Variants in WASF2 observed in about 807,000 individuals in gnomAD.
The protein encoded by WASF2 is actin-binding protein WASF2.
Under a neutral mutation model 45.0 loss-of-function variants are expected in WASF2, and 14 were observed. The observed-to-expected ratio is 0.31, with a 90% CI of 0.21 to 0.49. The LOEUF (loss-of-function observed/expected upper bound fraction) is 0.49. Among genes scored for constraint, WASF2 ranks in the 20% least tolerant of loss-of-function variants. The pLI is 0.99. For missense variants in WASF2, 439 were observed against 636.1 expected (o/e 0.69, Z 3.33); for synonymous variants, 200 against 236.3 (o/e 0.85, Z 1.41).
chr1:27,442,449 C>G (rs539685529), intron 1 of WASF2, among the ~76,000 whole-genome samples: 19 of 150,872 alleles, frequency 1.3e-4, no homozygotes, highest in Non-Finnish European at 2.5e-4. Context: ...GAGGCTGAGG[C>G]AGAAGAATCG....
chr1:27,457,567 T>G (rs1464321791), intron 1 of WASF2, among the ~76,000 whole-genome samples: 1 of 151,220 alleles, frequency 6.6e-6, no homozygotes, highest in Non-Finnish European at 1.5e-5. Context: ...AAGAATGGAA[T>G]AATGGCAGAG....
At chr1:27,411,553 A>G (rs1369834128) in intron 7 of WASF2, among the ~76,000 whole-genome samples, 1 of 152,192 alleles carries the variant, frequency 6.6e-6, no homozygotes, top group Non-Finnish European at 1.5e-5. Flanking sequence ...GTACCACTTC[A>G]TTTCATGATG....
intron 1 of WASF2, among the ~76,000 whole-genome samples, chr1:27,433,013 T>G (rs1305651085): frequency 6.6e-6 from 1 of 152,214 alleles, no homozygotes; most frequent in Non-Finnish European, 1.5e-5. Context: ...TCTTCCCACC[T>G]TGGCCTCCCA....
At chr1:27,446,532 G>C (rs1038229838) in intron 1 of WASF2, among the ~76,000 whole-genome samples, 5 of 152,254 alleles carry the variant, frequency 3.3e-5, no homozygotes, top group African/African-American at 1.2e-4. Context: ...ATCCCAACCA[G>C]CACTTTGGGA....
intron 7 of WASF2, among the ~76,000 whole-genome samples, chr1:27,411,371 T>C (rs918926069): frequency 6.6e-6 from 1 of 152,206 alleles, no homozygotes; most frequent in Admixed American, 6.5e-5. Flanking sequence ...CATGCACAAA[T>C]ATCAAAATGG....
At chr1:27,483,154 G>A (rs991556001) in intron 1 of WASF2, among the ~76,000 whole-genome samples, 2 of 152,124 alleles carry the variant, frequency 1.3e-5, no homozygotes, top group African/African-American at 4.8e-5. Flanking sequence ...GGCCAACATG[G>A]TGAAACCCCA....
intron 1 of WASF2, among the ~76,000 whole-genome samples, chr1:27,430,976 G>A (rs1236677228): frequency 6.6e-6 from 1 of 152,128 alleles, no homozygotes; most frequent in Non-Finnish European, 1.5e-5. Flanking sequence ...CTCAAAGGGG[G>A]AGTAGAACCC....
intron 1 of WASF2, among the ~76,000 whole-genome samples, chr1:27,471,916 T>C (rs772647798): frequency 2.6e-5 from 4 of 152,212 alleles, no homozygotes; most frequent in Non-Finnish European, 5.9e-5. Flanking sequence ...TTTAGCGACC[T>C]ACCTAGTAGT....
chr1:27,416,527 C>T (rs2016828026), intron 4 of WASF2, among the ~76,000 whole-genome samples: 3 of 152,204 alleles, frequency 2.0e-5, no homozygotes, highest in African/African-American at 7.2e-5. Flanking sequence ...GCTTCCCACC[C>T]ACTGGAAACC....
chr1:27,439,923 G>A (rs556099138), intron 1 of WASF2, among the ~76,000 whole-genome samples: 1 of 152,084 alleles, frequency 6.6e-6, no homozygotes, highest in Non-Finnish European at 1.5e-5. Flanking sequence ...TCACTTTAAC[G>A]CGGGACGTTG....
chr1:27,422,506 CTA>C (rs1376785472), intron 2 of WASF2, among the ~76,000 whole-genome samples: 2 of 151,648 alleles, frequency 1.3e-5, no homozygotes, highest in African/African-American at 4.9e-5. Context: ...GTAGTCCCAG[CTA>C]CTCAGGAGGC....
intron 2 of WASF2, among the ~76,000 whole-genome samples, chr1:27,427,142 G>A (rs1007431544): frequency 2.6e-5 from 4 of 152,126 alleles, no homozygotes; most frequent in African/African-American, 7.2e-5. Flanking sequence ...AAGTTTATTG[G>A]ATGAATAAAG....
intron 1 of WASF2, among the ~76,000 whole-genome samples, chr1:27,488,902 T>C (rs2017983320): frequency 6.6e-6 from 1 of 152,186 alleles, no homozygotes; most frequent in South Asian, 2.1e-4. Context: ...AAACTCAGTT[T>C]CCTTATGTGT....
intron 1 of WASF2, among the ~76,000 whole-genome samples, chr1:27,467,784 C>T (rs1017871505): frequency 7.3e-5 from 11 of 151,582 alleles, no homozygotes; most frequent in Non-Finnish European, 1.3e-4. Flanking sequence ...TGGTGGCACG[C>T]GACTGTAGTC....
At chr1:27,429,036 A>G (rs1224798875) in intron 1 of WASF2, 103 bp from the exon 2 acceptor site, 1 of 1,000,950 alleles carries the variant, frequency 1.0e-6, no homozygotes, top group Non-Finnish European at 1.4e-6. Context: ...ACCCTGATCT[A>G]AAACAGCTTT....
At chr1:27,435,964 T>C (rs1449534371) in intron 1 of WASF2, among the ~76,000 whole-genome samples, 1 of 152,204 alleles carries the variant, frequency 6.6e-6, no homozygotes, top group Non-Finnish European at 1.5e-5. Context: ...CTTTGAAACA[T>C]ACCCCCAAAA....
At chr1:27,445,804 T>C (rs987824710) in intron 1 of WASF2, among the ~76,000 whole-genome samples, 1 of 152,076 alleles carries the variant, frequency 6.6e-6, no homozygotes, top group African/African-American at 2.4e-5. Flanking sequence ...TTAAGTTTCA[T>C]TCTCTGTTTA....
At chr1:27,412,825 T>C (rs2016782517) in intron 6 of WASF2, 98 bp from the exon 7 acceptor site, 1 of 1,389,556 alleles carries the variant, frequency 7.2e-7, no homozygotes, top group African/African-American at 1.4e-5. Context: ...ATACAAAAGC[T>C]ATTAGGGAGA....
At chr1:27,451,462 T>C (rs370516100) in intron 1 of WASF2, among the ~76,000 whole-genome samples, 1 of 152,110 alleles carries the variant, frequency 6.6e-6, no homozygotes, top group East Asian at 1.9e-4. Context: ...ATGAGACTAA[T>C]AAGGCAGACA....
Sources: gnomAD v4.1 joint callset for allele counts (sites outside exome capture counted in the v4.1 genomes callset) on GRCh38, gnomAD v4.1.1 for gene constraint, MANE v1.5 for transcripts, NCBI Gene and HGNC (gene_info 2026-07-23, HGNC 2026-07-21) for gene names.